Variants in MINDY4B observed in about 807,000 individuals in gnomAD.
MINDY4B encodes inactive ubiquitin carboxyl-terminal hydrolase MINDY-4B.
MINDY4B carries 25 observed loss-of-function variants against 16.7 expected under a neutral mutation model. The observed-to-expected ratio is 1.49, with a 90% confidence interval of 1.09 to 2.09. The LOEUF (loss-of-function observed/expected upper bound fraction) is 2.09, where lower values mean the gene tolerates loss of function less well. Ranked by LOEUF, MINDY4B falls within the 30% of genes most tolerant of loss-of-function variation. The probability of loss-of-function intolerance (pLI) is 0.00; values close to 1 mark genes in which losing one functional copy is unlikely to be tolerated. For missense variants in MINDY4B, 327 were observed against 168.4 expected, an observed-to-expected ratio of 1.94 and a Z score of -5.21; for synonymous variants, 132 against 61.9, an observed-to-expected ratio of 2.13 and a Z score of -5.32.
chr3:150,879,252 C>G (rs1257204900), intron 10 of MINDY4B, among the ~76,000 whole-genome samples: 3 of 152,094 alleles, frequency 2.0e-5, no homozygotes, highest in African/African-American at 7.2e-5. Context: ...TCTCCTTCCT[C>G]TAAAGCAGAG....
chr3:150,893,244 G>A (rs1008687204), intron 5 of MINDY4B, 80 bp downstream of exon 5: 27 of 692,732 alleles, frequency 3.9e-5, no homozygotes, highest in Non-Finnish European at 1.8e-5. Flanking sequence ...GAGACAACCT[G>A]AATTTTTCAG....
chr3:150,896,833 T>C (rs757661969), intron 3 of MINDY4B, among the ~76,000 whole-genome samples: 2 of 151,778 alleles, frequency 1.3e-5, no homozygotes, highest in Non-Finnish European at 2.9e-5. Flanking sequence ...TTGGGACACA[T>C]TTTGTAACTT....
chr3:150,905,127 C>T (rs1712209586), intron 1 of MINDY4B, 38 bp from the exon 2 acceptor site: 1 of 398,418 alleles, frequency 2.5e-6, no homozygotes, highest in Non-Finnish European at 4.4e-6. Flanking sequence ...AAATTACTCA[C>T]TCTCTTCAAA....
At position 150,893,425 on chromosome 3, in the gene MINDY4B, G is replaced by A. The variant is rs1711871094; in HGVS notation, c.430-10C>T. 1.4e-6 allele frequency: 1 copy of A among 702,480 alleles called. No homozygotes were observed. The highest frequency in any genetic ancestry group is 2.6e-6 in the Non-Finnish European group (1 of 384,802). The allele number at this position is 702,480 out of a possible 1,614,324, so 43.5% of individuals were successfully genotyped here. On this transcript the variant is annotated splice_polypyrimidine_tract_variant and intron_variant, in intron 4 of 11. Coordinates refer to ENST00000465419, the MANE Select transcript of MINDY4B (RefSeq NM_001351281.2). Reference sequence around the variant, plus strand: ...TGCTTCGGGCCCCTCCCTGAAATGAGGAGAATGAATGACGAGGTGAAGAAC... The same window carrying A: ...TGCTTCGGGCCCCTCCCTGAAATGAAGAGAATGAATGACGAGGTGAAGAAC...
chr3:150,904,134 G>A (rs147589299), intron 2 of MINDY4B, among the ~76,000 whole-genome samples: 14 of 152,212 alleles, frequency 9.2e-5, no homozygotes, highest in East Asian at 1.9e-4. Context: ...TTCAAATCAC[G>A]GACTACTGAT....
intron 10 of MINDY4B, 81 bp downstream of exon 10, chr3:150,882,816 G>T (rs1022527611): frequency 7.3e-6 from 4 of 547,182 alleles, no homozygotes; most frequent in Non-Finnish European, 1.3e-5. Flanking sequence ...GCTCGGGTTT[G>T]AATTGCCTAA....
chr3:150,890,829 T>C, intron 6 of MINDY4B, 109 bp downstream of exon 6: 1 of 620,884 alleles, frequency 1.6e-6, no homozygotes, highest in East Asian at 2.8e-5. Context: ...GCACCTCCGG[T>C]CACATCAGGA....
At chr3:150,905,242 C>G (rs1163027557) in intron 1 of MINDY4B, 85 bp downstream of exon 1, 3 of 398,082 alleles carry the variant, frequency 7.5e-6, no homozygotes, top group African/African-American at 2.1e-5. Flanking sequence ...AAGGAAATTT[C>G]TCATGTTGCA....
intron 3 of MINDY4B, among the ~76,000 whole-genome samples, chr3:150,898,457 A>G (rs1031776516): frequency 6.6e-6 from 1 of 152,358 alleles, no homozygotes; most frequent in African/African-American, 2.4e-5. Flanking sequence ...GAGGGGCTGC[A>G]GTTCTCTCTG....
At chr3:150,881,328 G>A (rs1424302073) in intron 10 of MINDY4B, among the ~76,000 whole-genome samples, 1 of 152,148 alleles carries the variant, frequency 6.6e-6, no homozygotes, top group Non-Finnish European at 1.5e-5. Context: ...AGGTTGCAGT[G>A]AGCTGAGATG....
In MINDY4B at chr3:150,870,908, T is replaced by C; in HGVS notation, c.*137A>G. 1.8e-6 allele frequency: 1 copy of C among 562,270 alleles called. No homozygotes were observed. The highest frequency in any genetic ancestry group is 3.1e-6 in the Non-Finnish European group (1 of 319,460). The allele number at this position is 562,270 out of a possible 1,614,324, so 34.8% of individuals were successfully genotyped here. On this transcript the variant is annotated 3_prime_UTR_variant, in exon 12 of 12. Coordinates refer to ENST00000465419, the MANE Select transcript of MINDY4B (RefSeq NM_001351281.2). ...CCAGAGACTTAAAAAATGAAAAAAC[T>C]GCTAATGGTATATATATATATTTTT...
chr3:150,885,535 T>C, intron 7 of MINDY4B, 97 bp from the exon 8 acceptor site: 2 of 669,936 alleles, frequency 3.0e-6, no homozygotes, highest in Admixed American at 2.3e-5. Context: ...CTGAGAGAAT[T>C]TTTTCCCCCT....
chr3:150,877,374 T>G (rs1449117212), intron 10 of MINDY4B, among the ~76,000 whole-genome samples: 1 of 152,130 alleles, frequency 6.6e-6, no homozygotes, highest in African/African-American at 2.4e-5. Flanking sequence ...TTTTCACGGG[T>G]CTCATACAGA....
intron 10 of MINDY4B, 138 bp from the exon 11 acceptor site, chr3:150,873,505 C>G (rs1443552065): frequency 9.2e-6 from 5 of 544,730 alleles, no homozygotes; most frequent in Non-Finnish European, 1.6e-5. Flanking sequence ...GTACATAGAG[C>G]AAGATTTGAA....
chr3:150,872,016 C>T (rs953510691), intron 11 of MINDY4B, among the ~76,000 whole-genome samples: 5 of 152,186 alleles, frequency 3.3e-5, no homozygotes, highest in African/African-American at 1.2e-4. Flanking sequence ...TATTGCTAAA[C>T]TTCATTTATT....
At position 150,880,113 on chromosome 3, in the gene MINDY4B, C is replaced by T. The variant is rs565175661; in HGVS notation, c.1059+2784G>A. 1.4e-4 allele frequency among the ~76,000 whole-genome samples: 22 copies of T among 152,334 alleles called. No homozygotes were observed. In the South Asian group the frequency reaches 2.5e-3, roughly 17 times the overall value. Reference sequence around the variant, plus strand: ...GTCAATCCTTAATCTGATCAGGTTGCAGGGCAGGCACATGTGGAATGAATG... The same window carrying T: ...GTCAATCCTTAATCTGATCAGGTTGTAGGGCAGGCACATGTGGAATGAATG... On this transcript the variant is annotated intron_variant, in intron 10 of 11. Coordinates refer to ENST00000465419, the MANE Select transcript of MINDY4B (RefSeq NM_001351281.2).
intron 11 of MINDY4B, 84 bp from the exon 12 acceptor site, chr3:150,871,271 G>T (rs186927304): frequency 1.9e-5 from 12 of 646,790 alleles, no homozygotes; most frequent in Admixed American, 4.8e-5. Context: ...AGAAGGGTGG[G>T]TGGGCAGGAG....
At chr3:150,879,568 C>A (rs1711504399) in intron 10 of MINDY4B, among the ~76,000 whole-genome samples, 1 of 152,186 alleles carries the variant, frequency 6.6e-6, no homozygotes, top group Admixed American at 6.5e-5. Flanking sequence ...CCAAATGAAG[C>A]AGTCTTTGGG....
At chr3:150,877,224 T>G (rs1340819644) in intron 10 of MINDY4B, among the ~76,000 whole-genome samples, 2 of 152,192 alleles carry the variant, frequency 1.3e-5, no homozygotes, top group African/African-American at 4.8e-5. Context: ...AGGCAGCACG[T>G]TGGTTTTCTT....
Sources: gnomAD v4.1 joint callset for allele counts (sites outside exome capture counted in the v4.1 genomes callset) on GRCh38, gnomAD v4.1.1 for gene constraint, MANE v1.5 for transcripts, NCBI Gene and HGNC (gene_info 2026-07-23, HGNC 2026-07-21) for gene names.